The following HEG1 variants were observed in gnomAD, a reference collection of about 807,000 sequenced individuals.
HEG1 encodes protein HEG homolog 1.
A neutral mutation model predicts 125.6 loss-of-function variants in HEG1; 56 were observed. The ratio of observed to expected loss-of-function variants is 0.45; its 90% CI spans 0.36 to 0.56. The LOEUF (loss-of-function observed/expected upper bound fraction) is 0.56, where lower values mean the gene tolerates loss of function less well. Ranked by LOEUF, HEG1 falls within the 20% of genes least tolerant of loss-of-function variation. HEG1 has a pLI of 0.00. For synonymous variants in HEG1, 644 were observed against 668.5 expected (o/e 0.96, Z 0.57); for missense variants, 1,523 against 1,670.0 (o/e 0.91, Z 1.53).
chr3:124,971,820 G>A (rs1301598693), intron 16 of HEG1, among the ~76,000 whole-genome samples: 1 of 123,916 alleles, frequency 8.1e-6, no homozygotes, highest in Admixed American at 9.9e-5. Context: ...ACAGGGTCTT[G>A]CTCTATTGCC....
At chr3:125,055,072 G>A (rs1203856629) in intron 1 of HEG1, among the ~76,000 whole-genome samples, 1 of 152,194 alleles carries the variant, frequency 6.6e-6, no homozygotes, top group African/African-American at 2.4e-5. Flanking sequence ...TTGCTTTTAA[G>A]TCGAACCAGT....
Position 125,001,991 on chromosome 3 carries a change from G to C in HEG1, c.3378C>G (p.Ile1126Met). 8.7e-6 allele frequency: 14 copies of C among 1,614,026 alleles called. No homozygotes were observed. The highest frequency in any genetic ancestry group is 1.1e-5 in the Non-Finnish European group (13 of 1,179,892). ...CCAGGGAAAAGGTTGTTTGCAGTGA[G>C]ATCACCACCGCGTTGGACTCCCTAT... ...HASRESNAVV[I>M]SLQTTFSLAS... Residue 1126 changes from isoleucine to methionine, a missense_variant, in exon 11 of 17, where the codon ATC becomes ATG. By Grantham distance (10) the Ile-to-Met change is conservative (BLOSUM62 1). Coordinates refer to ENST00000311127, the MANE Select transcript of HEG1 (RefSeq NM_020733.2).
chr3:124,997,561 A>G (rs1269557023), intron 12 of HEG1, 128 bp downstream of exon 12: 1 of 839,258 alleles, frequency 1.2e-6, no homozygotes, highest in African/African-American at 1.7e-5. Flanking sequence ...CAAAATAACA[A>G]GAACCAGTTA....
intron 1 of HEG1, among the ~76,000 whole-genome samples, chr3:125,048,714 C>G (rs991569035): frequency 6.6e-6 from 1 of 152,164 alleles, no homozygotes; most frequent in Non-Finnish European, 1.5e-5. Context: ...AGTAAGGTGA[C>G]CTGAGTTACA....
At chr3:124,973,333 C>T (rs1936479406) in intron 16 of HEG1, among the ~76,000 whole-genome samples, 2 of 152,160 alleles carry the variant, frequency 1.3e-5, no homozygotes, top group Admixed American at 1.3e-4. Flanking sequence ...CTGTGCCCAG[C>T]CACCAATCCT....
At chr3:124,992,545 G>A (rs1003159943) in intron 12 of HEG1, among the ~76,000 whole-genome samples, 5 of 151,008 alleles carry the variant, frequency 3.3e-5, no homozygotes, top group African/African-American at 1.2e-4. Context: ...GATGGCAGAC[G>A]TGCTAATGGT....
At chr3:125,041,810 C>T (rs979780329) in intron 1 of HEG1, among the ~76,000 whole-genome samples, 2 of 152,152 alleles carry the variant, frequency 1.3e-5, no homozygotes, top group Non-Finnish European at 2.9e-5. Flanking sequence ...CATGGGTAAA[C>T]CCTAAAAACA....
rs1936365399 is a variant in HEG1 at position 124,968,688 on chromosome 3, T to C, written c.*1964A>G. ...CATGGCTCTTCCCACAGCTGCGGGT[T>C]CTGGGGGTGAGCAGGCATGCTGCGG... On this transcript the variant is annotated 3_prime_UTR_variant, in exon 17 of 17. Transcript: ENST00000311127. 6.6e-6 allele frequency: 1 copy of C among 152,144 alleles called. No homozygotes were observed. The highest frequency in any genetic ancestry group is 1.5e-5 in the Non-Finnish European group (1 of 68,042). The allele number at this position is 152,144 out of a possible 1,614,324, so 9.4% of individuals were successfully genotyped here.
intron 1 of HEG1, among the ~76,000 whole-genome samples, chr3:125,031,276 C>T (rs528431781): frequency 2.2e-4 from 34 of 152,172 alleles, no homozygotes; most frequent in South Asian, 6.2e-4. Flanking sequence ...AGTGCTGGGT[C>T]ACTGCTGGGT....
chr3:124,971,127 T>C (rs1180715577), intron 16 of HEG1: 4 of 493,630 alleles, frequency 8.1e-6, no homozygotes, highest in African/African-American at 3.9e-5. Flanking sequence ...AAGTGACCAG[T>C]TGGATCTCAA....
intron 1 of HEG1, among the ~76,000 whole-genome samples, chr3:125,054,016 T>C (rs536133407): frequency 6.6e-6 from 1 of 152,370 alleles, no homozygotes; most frequent in African/African-American, 2.4e-5. Context: ...GCCTGACTAC[T>C]ACCCAGAGAA....
rs2107684472 is a variant in HEG1, at chr3:124,969,622, A to C, written c.*1030T>G. 1 of 152,352 alleles carries C rather than the reference A, an allele frequency of 6.6e-6. No individual in the cohort carries two copies. Among genetic ancestry groups the C allele is most frequent in the Non-Finnish European group, 1.5e-5 (1 of 68,048 alleles). 9.4% of individuals were successfully genotyped at this position (152,352 alleles called of 1,614,324 possible). ...CCTGTTCTTCCTCAGGAATCCACAC[A>C]GCTTCCCAAAGCACTGTTGATGCAG... On this transcript the variant is annotated 3_prime_UTR_variant, in exon 17 of 17. Transcript: ENST00000311127.
intron 8 of HEG1, among the ~76,000 whole-genome samples, chr3:125,006,271 C>T (rs1579412521): frequency 6.6e-6 from 1 of 152,172 alleles, no homozygotes; most frequent in East Asian, 1.9e-4. Context: ...ATTTTCAAGG[C>T]CCATTTCACT....
intron 9 of HEG1, among the ~76,000 whole-genome samples, chr3:125,004,643 C>T (rs1361875988): frequency 1.3e-5 from 2 of 151,984 alleles, no homozygotes; most frequent in Non-Finnish European, 2.9e-5. Context: ...GTGCACGCCA[C>T]CAACCCTAGC....
chr3:125,045,727 C>T (rs1377805022), intron 1 of HEG1, among the ~76,000 whole-genome samples: 1 of 152,234 alleles, frequency 6.6e-6, no homozygotes, highest in Admixed American at 6.5e-5. Context: ...AGACATAACG[C>T]CTGATGTGTT....
chr3:124,974,428 C>T (rs1316007929), intron 15 of HEG1, among the ~76,000 whole-genome samples: 2 of 152,154 alleles, frequency 1.3e-5, no homozygotes, highest in Non-Finnish European at 2.9e-5. Flanking sequence ...GACTTGTCCT[C>T]TGGGTCACCT....
intron 8 of HEG1, among the ~76,000 whole-genome samples, chr3:125,006,732 T>C (rs931313191): frequency 2.0e-5 from 3 of 152,170 alleles, no homozygotes; most frequent in African/African-American, 7.2e-5. Context: ...TTATGAACAA[T>C]GAAGCTAAAT....
chr3:125,052,554 C>T (rs1394375203), intron 1 of HEG1, among the ~76,000 whole-genome samples: 1 of 152,228 alleles, frequency 6.6e-6, no homozygotes, highest in Non-Finnish European at 1.5e-5. Context: ...CTCTCCCTCT[C>T]ATCTGCAGAT....
At chr3:125,009,648 A>G in intron 8 of HEG1, 57 bp downstream of exon 8, 10 of 1,504,486 alleles carry the variant, frequency 6.6e-6, no homozygotes, top group Non-Finnish European at 9.0e-6. Context: ...AACAAATGTT[A>G]CCTTGTAAAA....
Sources: gnomAD v4.1 joint callset for allele counts (sites outside exome capture counted in the v4.1 genomes callset) on GRCh38, gnomAD v4.1.1 for gene constraint, MANE v1.5 for transcripts, NCBI Gene and HGNC (gene_info 2026-07-23, HGNC 2026-07-21) for gene names.